PPM1L: variants seen among roughly 807,000 people sequenced by gnomAD.
The protein encoded by PPM1L is protein phosphatase, Mg2+/Mn2+ dependent 1L.
A neutral mutation model predicts 31.4 loss-of-function variants in PPM1L; 13 were observed. That is an observed-to-expected ratio of 0.41 (90% CI 0.27 to 0.66). PPM1L has a LOEUF of 0.66. Among genes scored for constraint, PPM1L ranks in the 30% least tolerant of loss-of-function variants. The pLI, the probability that PPM1L is intolerant of heterozygous loss-of-function variation, is 0.29. For missense variants in PPM1L, 326 were observed against 453.7 expected (o/e 0.72, Z 2.56); for synonymous variants, 184 against 175.4 (o/e 1.05, Z -0.39).
chr3:160,985,149 A>G (rs1716923616), intron 2 of PPM1L, among the ~76,000 whole-genome samples: 1 of 152,226 alleles, frequency 6.6e-6, no homozygotes, highest in Admixed American at 6.5e-5. Flanking sequence ...AGTGGGACTC[A>G]GGCTTTAGTA....
intron 2 of PPM1L, among the ~76,000 whole-genome samples, chr3:161,017,892 A>G (rs1718130239): frequency 1.3e-5 from 2 of 152,206 alleles, no homozygotes; most frequent in Non-Finnish European, 2.9e-5. Context: ...CTTTACTCCA[A>G]TGAAGTACCT....
chr3:160,906,446 AC>A (rs1333017817), intron 1 of PPM1L, among the ~76,000 whole-genome samples: 3 of 152,160 alleles, frequency 2.0e-5, no homozygotes, highest in Non-Finnish European at 4.4e-5. Flanking sequence ...TACTAAAAAT[AC>A]AAAAATTAGC....
intron 1 of PPM1L, among the ~76,000 whole-genome samples, chr3:160,950,312 C>T (rs368922875): frequency 6.6e-5 from 10 of 152,028 alleles, no homozygotes; most frequent in Middle Eastern, 3.4e-3. Flanking sequence ...TGGCATTAAC[C>T]GAAGATTGAA....
intron 2 of PPM1L, among the ~76,000 whole-genome samples, chr3:160,962,260 TTAGA>T (rs10548990): frequency 0.37 from 55,625 of 151,668 alleles, 12,756 homozygotes; most frequent in Non-Finnish European, 0.52. Context: ...TGTGTTAATA[TTAGA>T]TATTTTCTTT....
chr3:160,865,447 C>T (rs542759766), intron 1 of PPM1L, among the ~76,000 whole-genome samples: 32 of 151,924 alleles, frequency 2.1e-4, no homozygotes, highest in African/African-American at 7.7e-4. Flanking sequence ...AGTAATTAGC[C>T]CCTTTGGGTT....
intron 1 of PPM1L, among the ~76,000 whole-genome samples, chr3:160,945,124 T>TAA (rs1559897816): frequency 2.6e-4 from 6 of 23,464 alleles, no homozygotes; most frequent in African/African-American, 5.1e-4. Flanking sequence ...TATCTATCTA[T>TAA]CTATCTATCT....
chr3:160,811,513 A>G (rs1054519486), intron 1 of PPM1L, among the ~76,000 whole-genome samples: 8 of 152,256 alleles, frequency 5.3e-5, no homozygotes, highest in African/African-American at 1.7e-4. Context: ...GTGACTCAAA[A>G]AGCCTAAAAT....
chr3:160,818,081 A>G (rs1713050909), intron 1 of PPM1L, among the ~76,000 whole-genome samples: 1 of 152,038 alleles, frequency 6.6e-6, no homozygotes, highest in Admixed American at 6.6e-5. Context: ...CCCAAAAAGT[A>G]CTAGTCAGGG....
At chr3:160,844,769 C>T (rs1336996264) in intron 1 of PPM1L, among the ~76,000 whole-genome samples, 2 of 152,016 alleles carry the variant, frequency 1.3e-5, no homozygotes, top group East Asian at 3.9e-4. Context: ...TACAATTCAC[C>T]CATATAAAGT....
At chr3:160,778,574 G>A (rs6805905) in intron 1 of PPM1L, among the ~76,000 whole-genome samples, 83,094 of 152,084 alleles carry the variant, frequency 0.55, 26,134 homozygotes, top group African/African-American at 0.87. Flanking sequence ...TCATGAAGCA[G>A]CAAGTACAGA....
intron 1 of PPM1L, among the ~76,000 whole-genome samples, chr3:160,837,159 A>G (rs923741498): frequency 2.0e-5 from 3 of 152,122 alleles, no homozygotes; most frequent in Non-Finnish European, 4.4e-5. Flanking sequence ...TTGATTTATT[A>G]TGTTGTTTCC....
chr3:160,856,982 T>G (rs1241088834), intron 1 of PPM1L, among the ~76,000 whole-genome samples: 4 of 152,156 alleles, frequency 2.6e-5, no homozygotes, highest in Non-Finnish European at 4.4e-5. Context: ...TGAAACTTCT[T>G]TCCAGAAGTA....
intron 2 of PPM1L, among the ~76,000 whole-genome samples, chr3:160,995,202 G>A (rs1386304573): frequency 2.0e-5 from 3 of 152,206 alleles, no homozygotes; most frequent in Non-Finnish European, 4.4e-5. Flanking sequence ...ATTATGGAAT[G>A]TGAGGAAGTG....
At chr3:160,879,318 A>T (rs929541306) in intron 1 of PPM1L, among the ~76,000 whole-genome samples, 8 of 152,158 alleles carry the variant, frequency 5.3e-5, no homozygotes, top group Non-Finnish European at 1.2e-4. Flanking sequence ...GAAGTTGAGC[A>T]GTTCCATCCC....
intron 2 of PPM1L, 121 bp from the exon 3 acceptor site, chr3:161,065,282 G>A (rs746445431): frequency 2.8e-4 from 236 of 854,964 alleles, no homozygotes; most frequent in Non-Finnish European, 4.1e-4. Context: ...AGAGTGGCTG[G>A]AGTCAAATTC....
intron 2 of PPM1L, among the ~76,000 whole-genome samples, chr3:161,059,758 G>C (rs1336321124): frequency 6.6e-6 from 1 of 152,062 alleles, no homozygotes; most frequent in East Asian, 1.9e-4. Context: ...TGAATGATTT[G>C]TCACTGTCCT....
intron 2 of PPM1L, among the ~76,000 whole-genome samples, chr3:160,973,808 T>A (rs1270409296): frequency 2.3e-5 from 3 of 131,352 alleles, no homozygotes; most frequent in African/African-American, 7.8e-5. Flanking sequence ...AAGACTTGTC[T>A]TTATTTTTTT....
rs1175882436 is a variant in PPM1L, at chr3:160,948,547, T to C, written c.400-13189T>C. ...CACAGTGCTTTGCCACAGGTCATTTTGTGGCCTGTTTTACGCAGCTTGCTG... is the reference window on the plus strand; with the variant it reads ...CACAGTGCTTTGCCACAGGTCATTTCGTGGCCTGTTTTACGCAGCTTGCTG... On this transcript the variant is annotated intron_variant, in intron 1 of 3. Transcript: ENST00000498165. 1.3e-5 allele frequency among the ~76,000 whole-genome samples: 2 copies of C among 152,198 alleles called. 1 individual carries two copies. The highest frequency in any genetic ancestry group is 4.8e-5 in the African/African-American group (2 of 41,446).
At chr3:160,945,738 C>G (rs1279355622) in intron 1 of PPM1L, among the ~76,000 whole-genome samples, 2 of 152,102 alleles carry the variant, frequency 1.3e-5, no homozygotes, top group African/African-American at 4.8e-5. Flanking sequence ...CTGCCTCTGT[C>G]AATCCTAAGA....
Sources: gnomAD v4.1 joint callset for allele counts (sites outside exome capture counted in the v4.1 genomes callset) on GRCh38, gnomAD v4.1.1 for gene constraint, MANE v1.5 for transcripts, NCBI Gene and HGNC (gene_info 2026-07-23, HGNC 2026-07-21) for gene names.